The following SLC24A3 variants were observed in gnomAD, a reference collection of about 807,000 sequenced individuals.
The protein encoded by SLC24A3 is sodium/potassium/calcium exchanger 3.
In SLC24A3, 28 loss-of-function variants were observed where a neutral mutation model predicts 75.8. The ratio of observed to expected loss-of-function variants is 0.37; its 90% CI spans 0.27 to 0.51. The LOEUF is 0.51. Ranked by LOEUF, SLC24A3 falls within the 20% of genes least tolerant of loss-of-function variation. The pLI, the probability that SLC24A3 is intolerant of heterozygous loss-of-function variation, is 0.94. For missense variants in SLC24A3, 663 were observed against 847.8 expected, an observed-to-expected ratio of 0.78 and a Z score of 2.71; for synonymous variants, 372 against 334.1, an observed-to-expected ratio of 1.11 and a Z score of -1.24.
chr20:19,311,896 C>G (rs1378140185), intron 2 of SLC24A3, among the ~76,000 whole-genome samples: 1 of 152,120 alleles, frequency 6.6e-6, no homozygotes, highest in Non-Finnish European at 1.5e-5. Context: ...AGAAACATGG[C>G]TGCCGGTGCT....
At chr20:19,698,521 G>GC (rs1470827582) in intron 14 of SLC24A3, 47 bp from the exon 15 acceptor site, 2 of 1,464,298 alleles carry the variant, frequency 1.4e-6, no homozygotes, top group Admixed American at 3.9e-5. Flanking sequence ...CCTGTGTGGG[G>GC]CCCCTGGGTT....
intron 2 of SLC24A3, among the ~76,000 whole-genome samples, chr20:19,306,398 C>T (rs945755277): frequency 6.6e-6 from 1 of 152,162 alleles, no homozygotes; most frequent in African/African-American, 2.4e-5. Context: ...GACATAGGTA[C>T]TCATATGTTC....
chr20:19,433,485 TTTGA>T (rs1047213522), intron 2 of SLC24A3, among the ~76,000 whole-genome samples: 1 of 152,250 alleles, frequency 6.6e-6, no homozygotes, highest in Non-Finnish European at 1.5e-5. Flanking sequence ...TCTGCATCTC[TTTGA>T]TTGTTTTGCT....
intron 2 of SLC24A3, among the ~76,000 whole-genome samples, chr20:19,503,250 T>C (rs1257557103): frequency 1.3e-5 from 2 of 152,146 alleles, no homozygotes; most frequent in African/African-American, 4.8e-5. Flanking sequence ...GCACTTAGTA[T>C]GTTTCATTCA....
intron 2 of SLC24A3, among the ~76,000 whole-genome samples, chr20:19,330,924 A>G (rs1984983714): frequency 6.6e-6 from 1 of 152,210 alleles, no homozygotes; most frequent in Admixed American, 6.5e-5. Flanking sequence ...CAAGGAAGGC[A>G]TGACTTGAAT....
At chr20:19,547,642 C>T (rs560346581) in intron 3 of SLC24A3, among the ~76,000 whole-genome samples, 2 of 152,328 alleles carry the variant, frequency 1.3e-5, no homozygotes, top group East Asian at 1.9e-4. Flanking sequence ...CTTTGTCCAG[C>T]AAAGAGATGT....
chr20:19,566,145 C>T (rs191733558), intron 3 of SLC24A3, among the ~76,000 whole-genome samples: 23 of 152,296 alleles, frequency 1.5e-4, no homozygotes, highest in African/African-American at 5.1e-4. Flanking sequence ...AAGCAACAAC[C>T]GGGAAGCCAG....
chr20:19,670,003 G>A (rs2032447262), intron 8 of SLC24A3, among the ~76,000 whole-genome samples: 1 of 152,166 alleles, frequency 6.6e-6, no homozygotes, highest in Non-Finnish European at 1.5e-5. Flanking sequence ...AGCGTCCTAG[G>A]TGAAAGGGCG....
intron 3 of SLC24A3, among the ~76,000 whole-genome samples, chr20:19,570,593 G>A (rs2031036963): frequency 6.6e-6 from 1 of 152,160 alleles, no homozygotes; most frequent in Admixed American, 6.5e-5. Context: ...AAGTGATATA[G>A]TAACATAGGA....
chr20:19,515,002 G>A (rs2122557755), intron 2 of SLC24A3, among the ~76,000 whole-genome samples: 1 of 152,334 alleles, frequency 6.6e-6, no homozygotes, highest in South Asian at 2.1e-4. Flanking sequence ...GACCCTTTTG[G>A]TGATCCAGTG....
chr20:19,599,757 G>A (rs1008398075), intron 6 of SLC24A3, among the ~76,000 whole-genome samples: 1 of 152,310 alleles, frequency 6.6e-6, no homozygotes, highest in East Asian at 1.9e-4. Flanking sequence ...ACGCTGTGGT[G>A]CTGGGATGTT....
At chr20:19,379,868 G>A (rs1280872249) in intron 2 of SLC24A3, among the ~76,000 whole-genome samples, 5 of 152,096 alleles carry the variant, frequency 3.3e-5, no homozygotes, top group Admixed American at 1.3e-4. Context: ...TGTTCTATAC[G>A]TATTCTTATA....
chr20:19,552,897 G>A (rs1032525187), intron 3 of SLC24A3, among the ~76,000 whole-genome samples: 12 of 152,014 alleles, frequency 7.9e-5, no homozygotes, highest in African/African-American at 2.7e-4. Flanking sequence ...AGGGGAGGGG[G>A]CCACGATCTG....
rs140077251 is a variant in SLC24A3 at position 19,711,317 on chromosome 20, G to A, written c.1720-6211G>A. Among the ~76,000 whole-genome samples the A allele has an allele frequency of 1.9e-3, 271 of 141,338 alleles. 1 individual carries two copies. The Middle Eastern group carries it at 0.029, about 15-fold the overall frequency. 92.7% of individuals were successfully genotyped at this position (141,338 alleles called of 152,430 possible). The stretch of plus-strand genomic sequence containing the variant: ...CGCACACACATGCACACATACAAAC[G>A]CACACACATGCATGCACACGTGCAA... On this transcript the variant is annotated intron_variant, in intron 15 of 16. Coordinates refer to ENST00000328041, the MANE Select transcript of SLC24A3 (RefSeq NM_020689.4).
At chr20:19,715,778 G>C (rs557254834) in intron 15 of SLC24A3, among the ~76,000 whole-genome samples, 1 of 152,108 alleles carries the variant, frequency 6.6e-6, no homozygotes. Context: ...ACTCCTACTC[G>C]ATAATTACCA....
intron 3 of SLC24A3, among the ~76,000 whole-genome samples, chr20:19,537,772 G>T (rs2030424845): frequency 6.6e-6 from 1 of 151,016 alleles, no homozygotes; most frequent in Admixed American, 6.6e-5. Flanking sequence ...GCAAACTATT[G>T]CAAGGACAAA....
intron 15 of SLC24A3, among the ~76,000 whole-genome samples, chr20:19,701,367 C>A (rs1032017524): frequency 7.0e-6 from 1 of 141,906 alleles, no homozygotes; most frequent in Non-Finnish European, 1.5e-5. Context: ...TAAAAAAAAA[C>A]ATTAATTCAG....
chr20:19,488,216 C>T (rs1226925846), intron 2 of SLC24A3, among the ~76,000 whole-genome samples: 1 of 152,196 alleles, frequency 6.6e-6, no homozygotes, highest in Non-Finnish European at 1.5e-5. Flanking sequence ...GCTCAGTCCC[C>T]TCAGCAGTAC....
At chr20:19,416,166 C>G (rs765632529) in intron 2 of SLC24A3, among the ~76,000 whole-genome samples, 4 of 152,228 alleles carry the variant, frequency 2.6e-5, no homozygotes, top group Non-Finnish European at 5.9e-5. Context: ...CATCCCCCAC[C>G]ACCTCACCAA....
Sources: allele counts gnomAD v4.1 joint callset (sites outside exome capture counted in the v4.1 genomes callset), GRCh38; gene constraint gnomAD v4.1.1; transcripts MANE v1.5; gene names NCBI Gene and HGNC (gene_info 2026-07-23, HGNC 2026-07-21).